The following CDH23 variants were observed in gnomAD, a reference collection of about 807,000 sequenced individuals.
CDH23 encodes the protein cadherin-23.
Under a neutral mutation model 317.1 loss-of-function variants are expected in CDH23, and 189 were observed. The ratio of observed to expected loss-of-function variants is 0.60; its 90% confidence interval spans 0.53 to 0.67. The LOEUF (loss-of-function observed/expected upper bound fraction) is 0.67, where lower values mean the gene tolerates loss of function less well. Ranked by LOEUF, CDH23 falls within the 30% of genes least tolerant of loss-of-function variation. CDH23 has a pLI of 0.00. For synonymous variants in CDH23, 1,839 were observed against 1,876.8 expected (o/e 0.98, Z 0.52); for missense variants, 4,401 against 4,592.4 (o/e 0.96, Z 1.20).
At chr10:71,670,207 A>G (rs183312757) in intron 14 of CDH23, among the ~76,000 whole-genome samples, 106 of 152,290 alleles carry the variant, frequency 7.0e-4, no homozygotes, top group African/African-American at 2.4e-3. Context: ...GCCCCATGCA[A>G]TCCAGCAACC....
At position 71,609,775 on chromosome 10, in the gene CDH23, C is replaced by A. The variant is rs74147377; in HGVS notation, c.833-5729C>A. 6.4e-3 allele frequency among the ~76,000 whole-genome samples: 968 copies of A among 152,336 alleles called. 8 individuals are homozygous for A. Among genetic ancestry groups the A allele is most frequent in the African/African-American group, 0.022 (928 of 41,566 alleles). Reference sequence around the variant, plus strand: ...TTTCCCAGTGTCTGACGAACGTCACCAGCCCCATTGTGCTGACAGCTCTTG... The same window carrying A: ...TTTCCCAGTGTCTGACGAACGTCACAAGCCCCATTGTGCTGACAGCTCTTG... On this transcript the variant is annotated intron_variant, in intron 9 of 69. Coordinates refer to ENST00000224721, the MANE Select transcript of CDH23 (RefSeq NM_022124.6).
intron 14 of CDH23, among the ~76,000 whole-genome samples, chr10:71,654,608 G>A (rs2132617470): frequency 6.6e-6 from 1 of 152,302 alleles, no homozygotes. Flanking sequence ...TCGACCAGCT[G>A]GAGTCTGGAA....
At chr10:71,812,726 G>A in intron 67 of CDH23, 42 bp from the exon 68 acceptor site, 1 of 1,612,796 alleles carries the variant, frequency 6.2e-7, no homozygotes, top group Non-Finnish European at 8.5e-7. Flanking sequence ...GTACATGTGT[G>A]TGGGGTCTGC....
rs1362090027 is a variant in CDH23 at position 71,777,828 on chromosome 10, G to C, written c.4994G>C (p.Gly1665Ala). Reference protein sequence around the residue: ...ITIQALDLDEGPNGTVTYAIV... With the variant: ...ITIQALDLDEAPNGTVTYAIV... The stretch of plus-strand genomic sequence containing the variant: ...ATCCAGGCACTGGACCTGGATGAGG[G>C]TCCCAACGGCACAGTCACCTATGCC... The change falls in exon 39 of 70, where the codon GGT (glycine) becomes GCT (alanine). Residue 1665 changes from glycine to alanine, a missense_variant. Around this residue, in one of 3 missense-constraint regions of CDH23, gnomAD observed 3,068 missense variants for 3,203.3 expected, o/e 0.96. Coordinates refer to ENST00000224721, the MANE Select transcript of CDH23 (RefSeq NM_022124.6). 1 of 1,613,784 alleles carries C rather than the reference G, an allele frequency of 6.2e-7. No homozygotes were observed. Among genetic ancestry groups the C allele is most frequent in the Non-Finnish European group, 8.5e-7 (1 of 1,179,868 alleles).
Position 71,812,040 on chromosome 10 carries a change from G to A in CDH23, c.9380+25G>A, listed in dbSNP as rs182272954. The A allele has an allele frequency of 6.6e-4, 1,066 of 1,613,910 alleles. 12 individuals carry two copies. In the South Asian group the frequency reaches 9.5e-3, roughly 14 times the overall value. On this transcript the variant is annotated intron_variant, in intron 66 of 69. Coordinates refer to ENST00000224721, the MANE Select transcript of CDH23 (RefSeq NM_022124.6). ...GGTGAGTGGGGTACTGGCCCTGCCC[G>A]GTCCCCTGCGGGGAGTCCTGCCAGG...
At position 71,779,374 on chromosome 10, in the gene CDH23, C is replaced by T. The variant is rs753327225; in HGVS notation, c.5295C>T (p.Thr1765=). The T allele has an allele frequency of 2.5e-6, 4 of 1,613,822 alleles. No homozygotes were observed. In the South Asian group the frequency reaches 3.3e-5, roughly 13 times the overall value. ...TEGQPGPRVW[T]FLAHDRDSGP... ...GCCAGCCGGGGCCCAGAGTGTGGACCTTCCTGGCCCATGACCGAGACTCAG... is the reference window on the plus strand; with the variant it reads ...GCCAGCCGGGGCCCAGAGTGTGGACTTTCCTGGCCCATGACCGAGACTCAG... The change falls in exon 41 of 70, where the codon ACC becomes ACT. Residue 1765 remains threonine, a synonymous_variant. Coordinates refer to ENST00000224721, the MANE Select transcript of CDH23 (RefSeq NM_022124.6).
intron 3 of CDH23, among the ~76,000 whole-genome samples, chr10:71,474,483 C>T (rs1411542935): frequency 6.6e-6 from 1 of 152,176 alleles, no homozygotes; most frequent in Non-Finnish European, 1.5e-5. Flanking sequence ...CAGCAAACAG[C>T]GTTTGCCATG....
At chr10:71,554,537 C>A (rs1182571947) in intron 6 of CDH23, among the ~76,000 whole-genome samples, 1 of 152,140 alleles carries the variant, frequency 6.6e-6, no homozygotes, top group East Asian at 1.9e-4. Context: ...TCAGAATCTA[C>A]CAAGTCTCAA....
At chr10:71,814,602 T>C (rs1208972166) in intron 69 of CDH23, among the ~76,000 whole-genome samples, 1 of 151,814 alleles carries the variant, frequency 6.6e-6, no homozygotes, top group Admixed American at 6.6e-5. Flanking sequence ...GAGATTGCAG[T>C]GAGCCAAAAT....
chr10:71,627,236 T>A (rs1861779737), intron 11 of CDH23, among the ~76,000 whole-genome samples: 1 of 152,146 alleles, frequency 6.6e-6, no homozygotes, highest in South Asian at 2.1e-4. Flanking sequence ...TCCCCCAAGA[T>A]TTAGTCTCTC....
chr10:71,504,409 A>G (rs951978113), intron 3 of CDH23, among the ~76,000 whole-genome samples: 2 of 152,242 alleles, frequency 1.3e-5, no homozygotes, highest in Non-Finnish European at 2.9e-5. Context: ...TTAAGGCTGA[A>G]TAATATTCCA....
intron 3 of CDH23, among the ~76,000 whole-genome samples, chr10:71,449,194 G>A (rs1850313412): frequency 6.6e-6 from 1 of 152,240 alleles, no homozygotes; most frequent in African/African-American, 2.4e-5. Context: ...CTTTCAGGGT[G>A]GACAAACACA....
chr10:71,497,790 G>A (rs1853058366), intron 3 of CDH23, among the ~76,000 whole-genome samples: 1 of 152,188 alleles, frequency 6.6e-6, no homozygotes. Context: ...CCTGCTAGCT[G>A]TTGAGCTGGT....
At chr10:71,627,374 A>ATTG (rs1861786823) in intron 11 of CDH23, among the ~76,000 whole-genome samples, 6 of 1,234 alleles carry the variant, frequency 4.9e-3, no homozygotes, top group African/African-American at 0.027. Context: ...CCTTATTGTG[A>ATTG]TGATGATGAT....
At position 71,643,567 on chromosome 10, in the gene CDH23, C is replaced by T. The variant is rs1868006; in HGVS notation, c.1135-294C>T. Among the ~76,000 whole-genome samples, 28,469 of 151,354 alleles carry T rather than the reference C, an allele frequency of 0.19. 2,955 individuals carry two copies. The highest frequency in any genetic ancestry group is 0.35 in the East Asian group (1,801 of 5,078). On this transcript the variant is annotated intron_variant, in intron 11 of 69. Transcript: ENST00000224721. Reference sequence around the variant, plus strand: ...GGGAGACAGGAGCCCTTGCCCCCCCCTCACCTCCTCACCCTTCATGCCGTT... The same window carrying T: ...GGGAGACAGGAGCCCTTGCCCCCCCTTCACCTCCTCACCCTTCATGCCGTT...
At position 71,681,559 on chromosome 10, in the gene CDH23, A is replaced by G. The variant is rs374140733; in HGVS notation, c.1859-886A>G. 2.2e-4 allele frequency among the ~76,000 whole-genome samples: 33 copies of G among 152,260 alleles called. No homozygotes were observed. The East Asian group carries it at 3.9e-3, about 18-fold the overall frequency. Reference sequence around the variant, plus strand: ...AGCACCTAACCCCGAGTACCTCCCCATGGGGTCTAAACAGTGCCCAGAGTA... The same window carrying G: ...AGCACCTAACCCCGAGTACCTCCCCGTGGGGTCTAAACAGTGCCCAGAGTA... On this transcript the variant is annotated intron_variant, in intron 17 of 69. Coordinates refer to ENST00000224721, the MANE Select transcript of CDH23 (RefSeq NM_022124.6).
At chr10:71,423,057 T>C (rs1848886050) in intron 1 of CDH23, among the ~76,000 whole-genome samples, 1 of 152,228 alleles carries the variant, frequency 6.6e-6, no homozygotes, top group African/African-American at 2.4e-5. Context: ...GCCACTACTA[T>C]TGAACACCTC....
Position 71,810,048 on chromosome 10 carries a change from G to C in CDH23, c.8951G>C (p.Gly2984Ala). The C allele has an allele frequency of 6.2e-7, 1 of 1,612,546 alleles. No homozygotes were observed. The highest frequency in any genetic ancestry group is 8.5e-7 in the Non-Finnish European group (1 of 1,179,856). Residue 2984 changes from glycine (G) to alanine (A), a missense_variant, in exon 61 of 70, where the codon GGG (glycine) becomes GCG (alanine). Coordinates refer to ENST00000224721, the MANE Select transcript of CDH23 (RefSeq NM_022124.6). ...EFIHLLSNIT[G>A]AIVNTDNVQF... The stretch of plus-strand genomic sequence containing the variant: ...ATCCACCTGCTCTCCAACATCACTG[G>C]GGCCATTGTCAATACTGACAATGTG...
intron 24 of CDH23, among the ~76,000 whole-genome samples, chr10:71,703,349 A>G (rs946885758): frequency 6.6e-6 from 1 of 152,194 alleles, no homozygotes; most frequent in African/African-American, 2.4e-5. Flanking sequence ...GTGGAGTCCA[A>G]CCAACGGGGA....
Sources: allele counts gnomAD v4.1 joint callset (sites outside exome capture counted in the v4.1 genomes callset), GRCh38; gene constraint gnomAD v4.1.1; regional missense constraint gnomAD v4.1.1; transcripts MANE v1.5; gene names NCBI Gene and HGNC (gene_info 2026-07-23, HGNC 2026-07-21).